The following TMEM196 variants were observed in gnomAD, a reference collection of about 807,000 sequenced individuals.
TMEM196 encodes the protein transmembrane protein 196.
A neutral mutation model predicts 20.0 loss-of-function variants in TMEM196; 17 were observed. That is an observed-to-expected ratio of 0.85 (90% CI 0.58 to 1.27). The LOEUF is 1.27. Ranked by LOEUF, TMEM196 falls within the 50% of genes most tolerant of loss-of-function variation. TMEM196 has a pLI of 0.00. For synonymous variants in TMEM196, 113 were observed against 88.9 expected, an observed-to-expected ratio of 1.27 and a Z score of -1.52; for missense variants, 267 against 223.0, an observed-to-expected ratio of 1.20 and a Z score of -1.26.
At chr7:19,762,259 G>A (rs930102451) in intron 1 of TMEM196, among the ~76,000 whole-genome samples, 1 of 151,886 alleles carries the variant, frequency 6.6e-6, no homozygotes, top group Non-Finnish European at 1.5e-5. Context: ...AAAACCAGAA[G>A]AGTTTCTCTT....
At chr7:19,756,404 G>T (rs1293742410) in intron 1 of TMEM196, among the ~76,000 whole-genome samples, 1 of 151,688 alleles carries the variant, frequency 6.6e-6, no homozygotes, top group Non-Finnish European at 1.5e-5. Context: ...GAGTACATCT[G>T]CAGGTTTGTT....
At chr7:19,763,024 C>T (rs1562628646) in intron 1 of TMEM196, among the ~76,000 whole-genome samples, 1 of 152,162 alleles carries the variant, frequency 6.6e-6, no homozygotes. Context: ...TGACAATTAC[C>T]AACTTTTTCC....
rs139882559 is a variant in TMEM196 at position 19,721,892 on chromosome 7, G to A, written c.*236C>T. 145 of 554,688 alleles carry A rather than the reference G, an allele frequency of 2.6e-4. No individual in the cohort carries two copies. The highest frequency in any genetic ancestry group is 2.5e-3 in the African/African-American group (125 of 49,952). 34.4% of individuals were successfully genotyped at this position (554,688 alleles called of 1,614,324 possible). On this transcript the variant is annotated 3_prime_UTR_variant, in exon 5 of 5. Coordinates refer to ENST00000405844, the MANE Select transcript of TMEM196 (RefSeq NM_001363562.2). The stretch of plus-strand genomic sequence containing the variant: ...TATTGTACTAGAATGTTTCTGGAAA[G>A]TTTTTTACCCCATAAAAAAGGGTGG...
At chr7:19,743,078 A>G (rs1380753116) in intron 1 of TMEM196, among the ~76,000 whole-genome samples, 3 of 152,136 alleles carry the variant, frequency 2.0e-5, no homozygotes, top group Non-Finnish European at 2.9e-5. Context: ...ATGCCTTTGC[A>G]TGGGAAGTTT....
chr7:19,729,434 A>C lies in TMEM196; in HGVS notation c.152T>G (p.Leu51Arg). Residue 51 changes from leucine to arginine, a missense_variant, in exon 2 of 5, where the codon CTT (leucine) becomes CGT (arginine). Physicochemically the swap from Leu to Arg is moderately radical, Grantham distance 102 (BLOSUM62 -2). Coordinates refer to ENST00000405844, the MANE Select transcript of TMEM196 (RefSeq NM_001363562.2). ...CAATATTCCACAAATGCCACAAAGA[A>C]GAAACTGAAAAGGAAAAGAAGAACA... ...KPQLGDSSPF[L>R]LCGICGILCA... 6.4e-7 allele frequency: 1 copy of C among 1,550,744 alleles called. No individual in the cohort carries two copies. Among genetic ancestry groups the C allele is most frequent in the Non-Finnish European group, 8.7e-7 (1 of 1,146,812 alleles).
At chr7:19,771,477 A>T (rs569213998) in intron 1 of TMEM196, among the ~76,000 whole-genome samples, 4 of 152,174 alleles carry the variant, frequency 2.6e-5, no homozygotes, top group Non-Finnish European at 5.9e-5. Context: ...CTTTTGAATA[A>T]TTTTTCTTGA....
intron 2 of TMEM196, among the ~76,000 whole-genome samples, chr7:19,727,660 C>T (rs900701217): frequency 4.6e-5 from 7 of 152,034 alleles, no homozygotes; most frequent in South Asian, 2.1e-4. Context: ...TCTGAAAATA[C>T]GGAAAGATAT....
intron 2 of TMEM196, among the ~76,000 whole-genome samples, chr7:19,727,715 G>A (rs527467054): frequency 6.6e-6 from 1 of 152,226 alleles, no homozygotes; most frequent in South Asian, 2.1e-4. Flanking sequence ...AGAGAAAGCA[G>A]ACAATACCTT....
At position 19,720,790 on chromosome 7, in the gene TMEM196, C is replaced by T. The variant is rs2285926; in HGVS notation, c.*1338G>A. On this transcript the variant is annotated 3_prime_UTR_variant, in exon 5 of 5. Coordinates refer to ENST00000405844, the MANE Select transcript of TMEM196 (RefSeq NM_001363562.2). ...ATAGGCTTTCTTATATATGGACTGC[C>T]TATATTATTTCATGAGAATCGTAAA... The T allele has an allele frequency of 1.3e-5, 2 of 151,706 alleles. No individual in the cohort carries two copies. The highest frequency in any genetic ancestry group is 3.0e-5 in the Non-Finnish European group (2 of 67,762). The allele number at this position is 151,706 out of a possible 1,614,324, so 9.4% of individuals were successfully genotyped here.
At chr7:19,769,110 G>T (rs758497601) in intron 1 of TMEM196, among the ~76,000 whole-genome samples, 16 of 152,106 alleles carry the variant, frequency 1.1e-4, no homozygotes, top group Non-Finnish European at 2.1e-4. Context: ...ATATTAATGT[G>T]TTGAAAGGAG....
intron 1 of TMEM196, among the ~76,000 whole-genome samples, chr7:19,770,439 A>C (rs756094434): frequency 3.9e-5 from 6 of 152,232 alleles, no homozygotes; most frequent in African/African-American, 1.4e-4. Context: ...CCCCAAAATA[A>C]TTTAGAAACT....
intron 1 of TMEM196, among the ~76,000 whole-genome samples, chr7:19,768,740 TTCTC>T (rs1448481815): frequency 6.6e-6 from 1 of 152,202 alleles, no homozygotes; most frequent in East Asian, 1.9e-4. Context: ...ATAGCTTTCT[TTCTC>T]TATGAAATTA....
At chr7:19,750,154 C>T (rs535530716) in intron 1 of TMEM196, among the ~76,000 whole-genome samples, 10 of 152,282 alleles carry the variant, frequency 6.6e-5, no homozygotes, top group Middle Eastern at 3.4e-3. Context: ...CTCTCCAAAA[C>T]GTTCTGTTGT....
chr7:19,757,902 A>G (rs1449370569), intron 1 of TMEM196, among the ~76,000 whole-genome samples: 1 of 151,850 alleles, frequency 6.6e-6, no homozygotes, highest in Non-Finnish European at 1.5e-5. Flanking sequence ...TTAAACATAT[A>G]GGATGATTAA....
chr7:19,770,672 A>G (rs1785834358), intron 1 of TMEM196, among the ~76,000 whole-genome samples: 1 of 152,212 alleles, frequency 6.6e-6, no homozygotes, highest in South Asian at 2.1e-4. Flanking sequence ...CTCACTCTAA[A>G]CAACCAGTTA....
intron 1 of TMEM196, among the ~76,000 whole-genome samples, chr7:19,752,842 T>G (rs1335421759): frequency 6.6e-6 from 1 of 152,080 alleles, no homozygotes; most frequent in African/African-American, 2.4e-5. Flanking sequence ...CTCGAACTCC[T>G]GACCTCGTGA....
At chr7:19,729,983 G>A (rs1356855931) in intron 1 of TMEM196, among the ~76,000 whole-genome samples, 3 of 152,110 alleles carry the variant, frequency 2.0e-5, no homozygotes, top group African/African-American at 7.2e-5. Flanking sequence ...TAGGCTGGGC[G>A]CGGTGGCTCA....
At chr7:19,757,562 T>C (rs1202248572) in intron 1 of TMEM196, among the ~76,000 whole-genome samples, 1 of 151,928 alleles carries the variant, frequency 6.6e-6, no homozygotes, top group Admixed American at 6.6e-5. Context: ...CTTAGTATTT[T>C]TTAAACCCTC....
intron 1 of TMEM196, among the ~76,000 whole-genome samples, chr7:19,739,981 G>A (rs10271639): frequency 0.27 from 41,518 of 151,968 alleles, 7,846 homozygotes; most frequent in East Asian, 0.64. Flanking sequence ...GTGCACACAT[G>A]TATCTCCTTT....
Sources: allele counts gnomAD v4.1 joint callset (sites outside exome capture counted in the v4.1 genomes callset), GRCh38; gene constraint gnomAD v4.1.1; transcripts MANE v1.5; gene names NCBI Gene and HGNC (gene_info 2026-07-23, HGNC 2026-07-21).